RABL3: variants seen among roughly 807,000 people sequenced by gnomAD.
RABL3 encodes rab-like protein 3.
In RABL3, 31 loss-of-function variants were observed where a neutral mutation model predicts 31.8. The ratio of observed to expected loss-of-function variants is 0.97; its 90% CI spans 0.73 to 1.31. RABL3 has a LOEUF of 1.31. Among genes scored for constraint, RABL3 ranks in the 40% most tolerant of loss-of-function variants. The probability of loss-of-function intolerance (pLI) is 0.00; values close to 1 mark genes in which losing one functional copy is unlikely to be tolerated. For synonymous variants in RABL3, 97 were observed against 99.9 expected (o/e 0.97, Z 0.18); for missense variants, 263 against 279.6 (o/e 0.94, Z 0.42).
In RABL3 at chr3:120,711,890, T is replaced by TA. The variant is rs1034439834; in HGVS notation, c.139-1982dup. 1.7e-4 allele frequency among the ~76,000 whole-genome samples: 26 copies of TA among 152,162 alleles called. 1 individual carries two copies. Among genetic ancestry groups the TA allele is most frequent in the Admixed American group, 1.2e-3 (19 of 15,268 alleles). The stretch of plus-strand genomic sequence containing the variant: ...TGCTGCTTTCATAGAATGGGACTAT[T>TA]ACAGTATCAGGAGGCCTAGATTCTA... On this transcript the variant is annotated intron_variant, in intron 2 of 7. Transcript: ENST00000273375.
intron 2 of RABL3, among the ~76,000 whole-genome samples, chr3:120,725,389 T>C (rs374724522): frequency 2.0e-5 from 3 of 152,294 alleles, no homozygotes; most frequent in South Asian, 4.1e-4. Flanking sequence ...GTCAGTGTGG[T>C]GATTCCTCAG....
intron 1 of RABL3, among the ~76,000 whole-genome samples, chr3:120,735,523 G>T (rs970155708): frequency 2.8e-4 from 42 of 152,042 alleles, no homozygotes; most frequent in African/African-American, 8.9e-4. Flanking sequence ...TTTTTGAAGG[G>T]TTTTTTGTGT....
At chr3:120,722,582 T>C (rs1389622091) in intron 2 of RABL3, 1 of 152,158 alleles carries the variant, frequency 6.6e-6, no homozygotes, top group East Asian at 1.9e-4. Flanking sequence ...CTATGTGTCC[T>C]CTTTCTAACA....
intron 2 of RABL3, among the ~76,000 whole-genome samples, chr3:120,727,610 A>C (rs1343767566): frequency 6.6e-6 from 1 of 152,150 alleles, no homozygotes; most frequent in Non-Finnish European, 1.5e-5. Flanking sequence ...AGGTTAGCAT[A>C]AGCCTGATAG....
intron 6 of RABL3, among the ~76,000 whole-genome samples, chr3:120,691,158 A>G (rs1708375682): frequency 6.6e-6 from 1 of 152,300 alleles, no homozygotes; most frequent in Middle Eastern, 3.4e-3. Context: ...CCCTCAAAAT[A>G]TATGTCCAAA....
intron 1 of RABL3, among the ~76,000 whole-genome samples, chr3:120,731,434 C>A (rs1428094197): frequency 6.6e-6 from 1 of 152,206 alleles, no homozygotes; most frequent in Non-Finnish European, 1.5e-5. Context: ...AGGTCTACTA[C>A]CTCTTCTACA....
At chr3:120,719,550 G>T (rs942854012) in intron 2 of RABL3, among the ~76,000 whole-genome samples, 1 of 152,230 alleles carries the variant, frequency 6.6e-6, no homozygotes, top group Non-Finnish European at 1.5e-5. Flanking sequence ...CCAGAAGATT[G>T]TATCTCGCTC....
rs1243529873 is a variant in RABL3 at position 120,689,710 on chromosome 3, T to C, written c.*113A>G. On this transcript the variant is annotated 3_prime_UTR_variant, in exon 8 of 8. Coordinates refer to ENST00000273375, the MANE Select transcript of RABL3 (RefSeq NM_173825.5). ...TCCATTAAAGGGTAAGGCTGAAGGG[T>C]AGCATTTTAAGATGATTTTGTTAAA... 9.1e-6 allele frequency: 7 copies of C among 767,976 alleles called. No individual in the cohort carries two copies. Among genetic ancestry groups the C allele is most frequent in the East Asian group, 2.5e-5 (1 of 40,486 alleles). 47.6% of individuals were successfully genotyped at this position (767,976 alleles called of 1,614,324 possible).
In RABL3 at chr3:120,709,896, T is replaced by A. The variant is rs770981674; in HGVS notation, c.152A>T (p.Lys51Ile). 6.3e-7 allele frequency: 1 copy of A among 1,599,508 alleles called. No homozygotes were observed. The highest frequency in any genetic ancestry group is 1.1e-5 in the South Asian group (1 of 88,928). ...CSVDVRVHDYKEGTPEEKTYY... is the reference protein window; with the variant it reads ...CSVDVRVHDYIEGTPEEKTYY... ...GGTCTTCTCTTCTGGGGTTCCTTCT[T>A]TGTAATCATGAACCTAACAAATCAA... Residue 51 changes from lysine to isoleucine, a missense_variant, in exon 3 of 8, where the codon AAA becomes ATA. By Grantham distance (102) the Lys-to-Ile change is moderately radical. Transcript: ENST00000273375.
At chr3:120,731,241 G>C (rs1334310798) in intron 1 of RABL3, among the ~76,000 whole-genome samples, 1 of 152,124 alleles carries the variant, frequency 6.6e-6, no homozygotes, top group Non-Finnish European at 1.5e-5. Flanking sequence ...CCTCTCTCCT[G>C]CACACCAATG....
intron 2 of RABL3, among the ~76,000 whole-genome samples, chr3:120,719,479 G>A (rs986833057): frequency 1.3e-5 from 2 of 152,222 alleles, no homozygotes; most frequent in African/African-American, 4.8e-5. Flanking sequence ...ATGGCACCTG[G>A]AAAATTGGGT....
At chr3:120,742,532 A>G, upstream of RABL3, 2 of 1,613,588 alleles carry the variant, frequency 1.2e-6, no homozygotes, top group Non-Finnish European at 8.5e-7. Context: ...CCCTGGGTTA[A>G]CGCCTGTTCC....
Position 120,689,275 on chromosome 3 carries a change from G to C in RABL3, c.*548C>G, listed in dbSNP as rs1708351132. 1.3e-5 allele frequency: 2 copies of C among 152,180 alleles called. No individual in the cohort carries two copies. 9.4% of individuals were successfully genotyped at this position (152,180 alleles called of 1,614,324 possible). ...GCAAAGGAGAGAAGAGGGAGACAAG[G>C]GTTGCTATTATTAGGCATTCCTGTG... On this transcript the variant is annotated 3_prime_UTR_variant, in exon 8 of 8. Coordinates refer to ENST00000273375, the MANE Select transcript of RABL3 (RefSeq NM_173825.5).
intron 1 of RABL3, among the ~76,000 whole-genome samples, chr3:120,737,490 A>C (rs1436137215): frequency 6.6e-6 from 1 of 152,214 alleles, no homozygotes; most frequent in Non-Finnish European, 1.5e-5. Flanking sequence ...AGCTCGGAGA[A>C]GTTTGATCAT....
At chr3:120,737,764 C>T (rs1318454789) in intron 1 of RABL3, among the ~76,000 whole-genome samples, 1 of 152,196 alleles carries the variant, frequency 6.6e-6, no homozygotes, top group African/African-American at 2.4e-5. Context: ...AGCTGCAGGT[C>T]TGTTGGATTT....
At chr3:120,729,124 T>C (rs141288071) in intron 2 of RABL3, among the ~76,000 whole-genome samples, 76 of 152,192 alleles carry the variant, frequency 5.0e-4, no homozygotes, top group Middle Eastern at 6.8e-3. Flanking sequence ...AGAAAAACAT[T>C]GTCCATAGGC....
chr3:120,692,553 G>C (rs1708393265), intron 6 of RABL3, among the ~76,000 whole-genome samples: 1 of 152,164 alleles, frequency 6.6e-6, no homozygotes, highest in East Asian at 1.9e-4. Flanking sequence ...AAAACTGGGT[G>C]AAATCTGGTT....
intron 2 of RABL3, among the ~76,000 whole-genome samples, chr3:120,728,279 C>T (rs762181880): frequency 6.6e-6 from 1 of 152,156 alleles, no homozygotes; most frequent in Non-Finnish European, 1.5e-5. Flanking sequence ...ATCCTTCCTA[C>T]AAACCTGTAG....
chr3:120,685,034 T>C lies in RABL3; in HGVS notation c.*4789A>G, dbSNP rs1283705180. Among the ~76,000 whole-genome samples the C allele has an allele frequency of 6.6e-6, 1 of 152,234 alleles. No individual in the cohort carries two copies. Among genetic ancestry groups the C allele is most frequent in the Non-Finnish European group, 1.5e-5 (1 of 68,042 alleles). On this transcript the variant is annotated 3_prime_UTR_variant, in exon 8 of 8. Coordinates refer to ENST00000273375, the MANE Select transcript of RABL3 (RefSeq NM_173825.5). Reference sequence around the variant, plus strand: ...GAAAACCATCACAACATAGTGTAAGTGCTCTGACAGGAAAGAGCCCAGGGA... The same window carrying C: ...GAAAACCATCACAACATAGTGTAAGCGCTCTGACAGGAAAGAGCCCAGGGA...
Sources: allele counts gnomAD v4.1 joint callset (sites outside exome capture counted in the v4.1 genomes callset), GRCh38; gene constraint gnomAD v4.1.1; transcripts MANE v1.5; gene names NCBI Gene and HGNC (gene_info 2026-07-23, HGNC 2026-07-21).